The following TBC1D5 variants were observed in gnomAD, a reference collection of about 807,000 sequenced individuals.
The protein encoded by TBC1D5 is TBC1 domain family, member 5.
TBC1D5 carries 75 observed loss-of-function variants against 100.3 expected under a neutral mutation model. That is an observed-to-expected ratio of 0.75 (90% CI 0.62 to 0.91). TBC1D5 has a LOEUF of 0.91. Ranked by LOEUF, TBC1D5 falls within the 40% of genes least tolerant of loss-of-function variation. The pLI is 0.00. For synonymous variants in TBC1D5, 323 were observed against 325.6 expected (o/e 0.99, Z 0.09); for missense variants, 910 against 942.4 (o/e 0.97, Z 0.45).
At chr3:17,292,694 A>G (rs1238304841) in intron 14 of TBC1D5, among the ~76,000 whole-genome samples, 3 of 152,074 alleles carry the variant, frequency 2.0e-5, no homozygotes, top group African/African-American at 7.2e-5. Context: ...GTCTATGTAG[A>G]CTACTTTACT....
chr3:17,634,362 T>C (rs1425521403), intron 1 of TBC1D5, among the ~76,000 whole-genome samples: 1 of 152,162 alleles, frequency 6.6e-6, no homozygotes, highest in African/African-American at 2.4e-5. Context: ...GAAAATGTGC[T>C]ACATATAAAC....
chr3:17,349,534 A>G (rs1234712447), intron 13 of TBC1D5, among the ~76,000 whole-genome samples: 2 of 152,156 alleles, frequency 1.3e-5, no homozygotes, highest in Non-Finnish European at 2.9e-5. Flanking sequence ...GTAACTTTCT[A>G]CCTAGTACGA....
intron 2 of TBC1D5, among the ~76,000 whole-genome samples, chr3:17,563,942 C>T (rs1204089155): frequency 6.6e-6 from 1 of 152,154 alleles, no homozygotes; most frequent in Non-Finnish European, 1.5e-5. Context: ...GCCACCATGC[C>T]TGGCTAATTT....
intron 17 of TBC1D5, among the ~76,000 whole-genome samples, chr3:17,229,296 T>C (rs2733508): frequency 0.4 from 59,979 of 151,718 alleles, 12,553 homozygotes; most frequent in Middle Eastern, 0.49. Context: ...CAGACTTGAG[T>C]GACAGATAGC....
At chr3:17,162,702 A>G (rs2066189626) in intron 21 of TBC1D5, among the ~76,000 whole-genome samples, 1 of 152,170 alleles carries the variant, frequency 6.6e-6, no homozygotes, top group Non-Finnish European at 1.5e-5. Flanking sequence ...TTTGGTAGAG[A>G]AGGACTGTCT....
At chr3:17,629,318 T>C (rs1453436602) in intron 1 of TBC1D5, among the ~76,000 whole-genome samples, 2 of 152,196 alleles carry the variant, frequency 1.3e-5, no homozygotes, top group Non-Finnish European at 2.9e-5. Flanking sequence ...TAATGTAGTA[T>C]AATCTAATAA....
intron 1 of TBC1D5, among the ~76,000 whole-genome samples, chr3:17,704,176 G>A (rs1420477537): frequency 1.4e-5 from 2 of 138,286 alleles, no homozygotes; most frequent in Admixed American, 7.4e-5. Context: ...ATCTTGCACC[G>A]CCCTTAATCC....
intron 1 of TBC1D5, chr3:17,706,202 C>G (rs1461992492): frequency 6.4e-7 from 1 of 1,551,828 alleles, no homozygotes; most frequent in South Asian, 1.2e-5. Flanking sequence ...TCTCCGGCAT[C>G]GCGGCGAGGC....
At chr3:17,316,431 C>T (rs533042679) in intron 13 of TBC1D5, among the ~76,000 whole-genome samples, 1 of 152,266 alleles carries the variant, frequency 6.6e-6, no homozygotes, top group South Asian at 2.1e-4. Context: ...GAAAAATACA[C>T]ACACCCATCC....
intron 1 of TBC1D5, among the ~76,000 whole-genome samples, chr3:17,644,741 T>C (rs1286719619): frequency 6.6e-6 from 1 of 152,156 alleles, no homozygotes; most frequent in African/African-American, 2.4e-5. Flanking sequence ...GGACATCAAG[T>C]CATTTTTAAA....
intron 13 of TBC1D5, among the ~76,000 whole-genome samples, chr3:17,337,836 C>A (rs919201356): frequency 1.2e-4 from 19 of 152,124 alleles, no homozygotes; most frequent in Non-Finnish European, 2.1e-4. Context: ...TTCCCACTGT[C>A]TGGCCTCTAC....
chr3:17,711,747 A>G (rs185752683), intron 1 of TBC1D5, among the ~76,000 whole-genome samples: 101 of 152,348 alleles, frequency 6.6e-4, no homozygotes, highest in Non-Finnish European at 1.2e-3. Flanking sequence ...TAAATATGCC[A>G]TAACTTTTTC....
intron 2 of TBC1D5, among the ~76,000 whole-genome samples, chr3:17,534,386 T>C (rs2096263643): frequency 6.6e-6 from 1 of 152,190 alleles, no homozygotes; most frequent in African/African-American, 2.4e-5. Flanking sequence ...TGAATGTATA[T>C]GTATATAAGT....
rs570956788 is a variant in TBC1D5 at position 17,345,355 on chromosome 3, T to C, written c.995+26720A>G. On this transcript the variant is annotated intron_variant, in intron 13 of 21. Transcript: ENST00000253692. ...CACTGGCCATCAGAGAAATGCAAAT[T>C]AAAACCACAATGAGATACCATCTCA... Among the ~76,000 whole-genome samples, 123 of 152,044 alleles carry C rather than the reference T, an allele frequency of 8.1e-4. 3 individuals are homozygous for C. In the South Asian group the frequency reaches 0.012, roughly 15 times the overall value.
chr3:17,202,257 A>C (rs1456089334), intron 18 of TBC1D5, among the ~76,000 whole-genome samples: 3 of 152,168 alleles, frequency 2.0e-5, no homozygotes, highest in Non-Finnish European at 4.4e-5. Context: ...TGAGAATGAC[A>C]ATTTAGGGTA....
chr3:17,457,851 G>T (rs1209281413), intron 3 of TBC1D5, among the ~76,000 whole-genome samples: 1 of 152,078 alleles, frequency 6.6e-6, no homozygotes, highest in Non-Finnish European at 1.5e-5. Flanking sequence ...TAGCACAGGG[G>T]TTTGCATCAA....
intron 15 of TBC1D5, among the ~76,000 whole-genome samples, chr3:17,280,503 G>A (rs930410826): frequency 2.0e-5 from 3 of 152,186 alleles, no homozygotes; most frequent in African/African-American, 4.8e-5. Flanking sequence ...CCAGCAGAGA[G>A]GGGAGAGGAA....
intron 1 of TBC1D5, among the ~76,000 whole-genome samples, chr3:17,715,413 G>A (rs1010920478): frequency 1.3e-5 from 2 of 152,140 alleles, no homozygotes; most frequent in Admixed American, 6.5e-5. Flanking sequence ...GTATATACAG[G>A]GGGGCATATG....
intron 1 of TBC1D5, among the ~76,000 whole-genome samples, chr3:17,630,860 C>T (rs1448606351): frequency 1.4e-5 from 2 of 142,522 alleles, no homozygotes; most frequent in East Asian, 4.3e-4. Flanking sequence ...ACGGTGAAAC[C>T]CCGTCTCTAC....
Sources: gnomAD v4.1 joint callset for allele counts (sites outside exome capture counted in the v4.1 genomes callset) on GRCh38, gnomAD v4.1.1 for gene constraint, MANE v1.5 for transcripts, NCBI Gene and HGNC (gene_info 2026-07-23, HGNC 2026-07-21) for gene names.